NIBAN2: variants seen among roughly 807,000 people sequenced by gnomAD.
The protein encoded by NIBAN2 is protein Niban 2.
Under a neutral mutation model 81.8 loss-of-function variants are expected in NIBAN2, and 36 were observed. The observed-to-expected ratio is 0.44, with a 90% confidence interval of 0.34 to 0.58. The LOEUF (loss-of-function observed/expected upper bound fraction) is 0.58, where lower values mean the gene tolerates loss of function less well. Among genes scored for constraint, NIBAN2 ranks in the 20% least tolerant of loss-of-function variants. NIBAN2 has a pLI of 0.02. For missense variants in NIBAN2, 897 were observed against 1,014.1 expected, an observed-to-expected ratio of 0.88 and a Z score of 1.57; for synonymous variants, 445 against 441.6, an observed-to-expected ratio of 1.01 and a Z score of -0.10.
At chr9:127,549,406 T>G (rs1837534231) in intron 1 of NIBAN2, among the ~76,000 whole-genome samples, 1 of 151,872 alleles carries the variant, frequency 6.6e-6, no homozygotes, top group Non-Finnish European at 1.5e-5. Flanking sequence ...CACACTCACA[T>G]GCACGCCCAC....
At position 127,508,450 on chromosome 9, in the gene NIBAN2, A is replaced by G. The variant is rs776203950; in HGVS notation, c.1406T>C (p.Ile469Thr). ...GPTKEELCKS[I>T]QRVLERVLKK... The stretch of plus-strand genomic sequence containing the variant: ...CAGCACCCGCTCCAGGACCCGCTGG[A>G]TGGACTTGCACAGCTCCTCCTTGGT... Residue 469 changes from isoleucine to threonine, a missense_variant, in exon 11 of 14, where the codon ATC (isoleucine) becomes ACC (threonine). Ile to Thr is a moderately conservative substitution (Grantham distance 89). This residue lies in a region of NIBAN2 where 619 missense variants were observed against 691.0 expected (regional missense o/e 0.90). Transcript: ENST00000373312. The surrounding 1 kb of genome is among the most constrained non-coding windows in gnomAD (Gnocchi z 6.4). The G allele has an allele frequency of 6.2e-7, 1 of 1,613,072 alleles. No individual in the cohort carries two copies. Among genetic ancestry groups the G allele is most frequent in the East Asian group, 2.2e-5 (1 of 44,838 alleles).
intron 5 of NIBAN2, among the ~76,000 whole-genome samples, chr9:127,523,192 A>T (rs10987673): frequency 0.012 from 155 of 13,344 alleles, no homozygotes; most frequent in South Asian, 0.038. Flanking sequence ...AAAAAAAAAA[A>T]ATATATATAT....
intron 1 of NIBAN2, among the ~76,000 whole-genome samples, chr9:127,554,548 C>CTTTCTTTTTTTTTTTTTTTTT (rs1837632346): frequency 6.7e-5 from 7 of 103,704 alleles, no homozygotes; most frequent in Admixed American, 1.1e-4. Flanking sequence ...TTTTCTTTTT[C>CTTTCTTTTTTTTTTTTTTTTT]TTTTTTTTTT....
chr9:127,543,695 C>T (rs964796736), intron 1 of NIBAN2, among the ~76,000 whole-genome samples: 2 of 152,232 alleles, frequency 1.3e-5, no homozygotes, highest in Non-Finnish European at 2.9e-5. Context: ...ACCTCCACAT[C>T]TTCATCCATG....
intron 1 of NIBAN2, among the ~76,000 whole-genome samples, chr9:127,548,165 T>C (rs990762528): frequency 6.6e-6 from 1 of 152,132 alleles, no homozygotes; most frequent in Admixed American, 6.6e-5. Flanking sequence ...GTCATGAGAT[T>C]AAAAGGTGAC....
Position 127,506,778 on chromosome 9 carries a change from A to G in NIBAN2, c.*67T>C, listed in dbSNP as rs981513604. On this transcript the variant is annotated 3_prime_UTR_variant, in exon 14 of 14. Transcript: ENST00000373312. ...GCACAGACCAGGGTGCCCTCCCCAG[A>G]GCTGAGCCTGCCTGGGTCCGGAAGG... 1.0e-5 allele frequency: 15 copies of G among 1,444,868 alleles called. No individual in the cohort carries two copies. Among genetic ancestry groups the G allele is most frequent in the Non-Finnish European group, 1.3e-5 (14 of 1,066,540 alleles). 89.5% of individuals were successfully genotyped at this position (1,444,868 alleles called of 1,614,324 possible).
rs766434826 is a variant in NIBAN2, at chr9:127,563,337, G to A, written c.55+5483C>T. The stretch of plus-strand genomic sequence containing the variant: ...ATCCCCAGACACTTCGCCCCCAGGG[G>A]CTGACCCGGACCTTGGCTAAGGGCA... On this transcript the variant is annotated intron_variant, in intron 1 of 13. Coordinates refer to ENST00000373312, the MANE Select transcript of NIBAN2 (RefSeq NM_022833.4). The surrounding 1 kb of genome is among the most constrained non-coding windows in gnomAD (Gnocchi z 4.1). Among the ~76,000 whole-genome samples the A allele has an allele frequency of 6.6e-6, 1 of 152,240 alleles. No individual in the cohort carries two copies. Among genetic ancestry groups the A allele is most frequent in the Admixed American group, 6.5e-5 (1 of 15,292 alleles).
rs575493458 is a variant in NIBAN2, at chr9:127,508,377, C to G, written c.1434+45G>C. The G allele has an allele frequency of 2.0e-6, 3 of 1,508,464 alleles. No individual in the cohort carries two copies. The highest frequency in any genetic ancestry group is 2.7e-6 in the Non-Finnish European group (3 of 1,095,648). The allele number at this position is 1,508,464 out of a possible 1,614,324, so 93.4% of individuals were successfully genotyped here. A position where few individuals can be genotyped will look rare whatever the true frequency, so the allele number is the denominator to read the frequency against. ...GTGGCCGGGGATGAGGCTCGGGGCT[C>G]GGCCTCGCCTAGGACGGTCCGGGGC... On this transcript the variant is annotated intron_variant, in intron 11 of 13. Transcript: ENST00000373312. The surrounding 1 kb of genome is among the most constrained non-coding windows in gnomAD (Gnocchi z 6.4).
At chr9:127,568,769 C>A (rs528254141) in intron 1 of NIBAN2, 51 bp downstream of exon 1, 1 of 1,246,090 alleles carries the variant, frequency 8.0e-7, no homozygotes, top group South Asian at 2.8e-5. Flanking sequence ...GGGGCGTGGT[C>A]CGGGGGTTCC....
intron 5 of NIBAN2, among the ~76,000 whole-genome samples, chr9:127,522,164 G>A (rs1836956930): frequency 6.6e-6 from 1 of 152,338 alleles, no homozygotes; most frequent in African/African-American, 2.4e-5. Flanking sequence ...CTGGGAACAG[G>A]AGGCCCTTTG....
intron 1 of NIBAN2, among the ~76,000 whole-genome samples, chr9:127,537,440 A>G (rs1182356790): frequency 6.6e-6 from 1 of 152,242 alleles, no homozygotes. Context: ...TCCAATAAAG[A>G]TTTGTTTTCT....
At chr9:127,518,385 G>A (rs1366168742) in intron 5 of NIBAN2, among the ~76,000 whole-genome samples, 1 of 152,144 alleles carries the variant, frequency 6.6e-6, no homozygotes, top group Non-Finnish European at 1.5e-5. Flanking sequence ...ACCCTTGTTC[G>A]AGCCCCAGTT....
At chr9:127,516,416 G>A (rs753312204) in intron 8 of NIBAN2, among the ~76,000 whole-genome samples, 6 of 152,148 alleles carry the variant, frequency 3.9e-5, no homozygotes, top group Non-Finnish European at 5.9e-5. Flanking sequence ...ATGGTGGCGC[G>A]CGTGTGCCTG....
intron 1 of NIBAN2, among the ~76,000 whole-genome samples, chr9:127,538,498 G>A (rs7036754): frequency 0.13 from 20,051 of 152,038 alleles, 1,638 homozygotes; most frequent in Admixed American, 0.27. Flanking sequence ...ATGGTGATGC[G>A]TGCCTGCAAT....
Position 127,507,588 on chromosome 9 carries a change from G to A in NIBAN2, c.1655-157C>T, listed in dbSNP as rs539512361. Among the ~76,000 whole-genome samples the A allele has an allele frequency of 1.3e-5, 2 of 152,336 alleles. No homozygotes were observed. Among genetic ancestry groups the A allele is most frequent in the Admixed American group, 6.5e-5 (1 of 15,308 alleles). ...CCTCGTTGCTGAAAGCAGCAAGGCCGTGATGCTATCTCCAGGCCCAGGCTG... is the reference window on the plus strand; with the variant it reads ...CCTCGTTGCTGAAAGCAGCAAGGCCATGATGCTATCTCCAGGCCCAGGCTG... On this transcript the variant is annotated intron_variant, in intron 13 of 13. Transcript: ENST00000373312. The surrounding 1 kb of genome is among the most constrained non-coding windows in gnomAD (Gnocchi z 6.8).
In NIBAN2 at chr9:127,508,562, T is replaced by G; in HGVS notation, c.1318-24A>C. The stretch of plus-strand genomic sequence containing the variant: ...TGCTGCAGGGCATACCGCGGACATG[T>G]GAAGCCCCCAGGGTGACCACAGCCC... On this transcript the variant is annotated intron_variant, in intron 10 of 13. Transcript: ENST00000373312. The surrounding 1 kb of genome is among the most constrained non-coding windows in gnomAD (Gnocchi z 6.4). The G allele has an allele frequency of 2.5e-6, 4 of 1,592,662 alleles. No individual in the cohort carries two copies. Among genetic ancestry groups the G allele is most frequent in the Non-Finnish European group, 3.4e-6 (4 of 1,161,704 alleles).
At chr9:127,515,002 C>T (rs1836798640) in intron 8 of NIBAN2, among the ~76,000 whole-genome samples, 1 of 152,040 alleles carries the variant, frequency 6.6e-6, no homozygotes, top group African/African-American at 2.4e-5. Flanking sequence ...CCTTCTCTCT[C>T]TCTCTTTCAA....
At chr9:127,549,377 GCATGCA>G (rs1020464719) in intron 1 of NIBAN2, among the ~76,000 whole-genome samples, 1 of 150,902 alleles carries the variant, frequency 6.6e-6, no homozygotes, top group African/African-American at 2.4e-5. Context: ...ACTCACATGT[GCATGCA>G]CATGCACGCA....
Position 127,536,112 on chromosome 9 carries a change from G to A in NIBAN2, c.56-4334C>T, listed in dbSNP as rs1033477619. ...ATGGCTCCTTGGCAGGGGTAGCCCC[G>A]AGCACATTCTTGAGAGATGTCCTCA... On this transcript the variant is annotated intron_variant, in intron 1 of 13. Transcript: ENST00000373312. This position sits in a 1 kb window ranked among gnomAD's most constrained non-coding sequence, Gnocchi z 4.0. Among the ~76,000 whole-genome samples the A allele has an allele frequency of 2.6e-5, 4 of 152,246 alleles. No individual in the cohort carries two copies. The highest frequency in any genetic ancestry group is 6.5e-5 in the Admixed American group (1 of 15,298).
Sources: allele counts gnomAD v4.1 joint callset (sites outside exome capture counted in the v4.1 genomes callset), GRCh38; gene constraint gnomAD v4.1.1; regional missense constraint gnomAD v4.1.1; non-coding constraint Gnocchi (gnomAD v3.1); transcripts MANE v1.5; gene names NCBI Gene and HGNC (gene_info 2026-07-23, HGNC 2026-07-21).